Variants in FKTN observed in about 807,000 individuals in gnomAD.
FKTN encodes ribitol-5-phosphate transferase FKTN.
A neutral mutation model predicts 58.6 loss-of-function variants in FKTN; 47 were observed. The ratio of observed to expected loss-of-function variants is 0.80; its 90% CI spans 0.63 to 1.02. FKTN has a LOEUF of 1.02. Ranked by LOEUF, FKTN falls within the 50% of genes least tolerant of loss-of-function variation. FKTN has a pLI of 0.00. For missense variants in FKTN, 516 were observed against 537.3 expected (o/e 0.96, Z 0.39); for synonymous variants, 178 against 191.9 (o/e 0.93, Z 0.60).
chr9:105,592,690 C>G (rs556496711), intron 3 of FKTN, among the ~76,000 whole-genome samples: 1 of 152,138 alleles, frequency 6.6e-6, no homozygotes, highest in African/African-American at 2.4e-5. Flanking sequence ...CTATCACTCT[C>G]GAGTTCAGAG....
chr9:105,591,088 A>G (rs1006923295), intron 3 of FKTN, among the ~76,000 whole-genome samples: 3 of 152,076 alleles, frequency 2.0e-5, no homozygotes, highest in African/African-American at 4.8e-5. Flanking sequence ...CCACAATCCA[A>G]TTACCTCCCA....
At chr9:105,579,069 A>T (rs1163579458) in intron 3 of FKTN, among the ~76,000 whole-genome samples, 1 of 151,668 alleles carries the variant, frequency 6.6e-6, no homozygotes, top group Non-Finnish European at 1.5e-5. Context: ...CTTCTTTATT[A>T]GTCTTGCTAG....
intron 7 of FKTN, among the ~76,000 whole-genome samples, chr9:105,613,422 A>AG (rs542952510): frequency 3.9e-4 from 59 of 152,342 alleles, no homozygotes; most frequent in African/African-American, 1.4e-3. Context: ...TTCTTACTGA[A>AG]GGTAGGGTAC....
chr9:105,607,740 C>T lies in FKTN; in HGVS notation c.648-79C>T, dbSNP rs371138266. 5.2e-5 allele frequency: 65 copies of T among 1,257,372 alleles called. No homozygotes were observed. The Middle Eastern group carries it at 9.3e-4, about 18-fold the overall frequency. 77.9% of individuals were successfully genotyped at this position (1,257,372 alleles called of 1,614,324 possible). ...TGTTATCTAGGTTTTAAGCTCTGCA[C>T]GCATTAGGTATTTGTCCTAATGTTC... On this transcript the variant is annotated intron_variant, in intron 6 of 10. Coordinates refer to ENST00000357998, the MANE Select transcript of FKTN (RefSeq NM_001079802.2).
intron 10 of FKTN, among the ~76,000 whole-genome samples, chr9:105,622,694 T>G (rs1832169946): frequency 6.6e-6 from 1 of 152,046 alleles, no homozygotes; most frequent in African/African-American, 2.4e-5. Flanking sequence ...CCTAAATGCT[T>G]TCTTCTTAGA....
intron 10 of FKTN, among the ~76,000 whole-genome samples, chr9:105,620,978 A>C (rs981839070): frequency 1.3e-5 from 2 of 152,112 alleles, no homozygotes; most frequent in African/African-American, 4.8e-5. Context: ...CCAGTATTAG[A>C]GTCCTGTTAT....
intron 3 of FKTN, among the ~76,000 whole-genome samples, chr9:105,577,324 C>A (rs1215997118): frequency 8.2e-6 from 1 of 121,878 alleles, no homozygotes; most frequent in Non-Finnish European, 1.7e-5. Context: ...AATCTTTAAT[C>A]CATCTTGAAT....
chr9:105,585,818 A>G (rs1843795884), intron 3 of FKTN, among the ~76,000 whole-genome samples: 1 of 152,238 alleles, frequency 6.6e-6, no homozygotes. Flanking sequence ...GCCAAAGAGT[A>G]TGGAATCATA....
intron 7 of FKTN, among the ~76,000 whole-genome samples, chr9:105,613,445 A>T (rs1272287956): frequency 6.6e-6 from 1 of 152,214 alleles, no homozygotes; most frequent in Non-Finnish European, 1.5e-5. Flanking sequence ...TTTGCTTAAG[A>T]TTCATATAGT....
At chr9:105,586,737 G>A (rs1414052113) in intron 3 of FKTN, among the ~76,000 whole-genome samples, 2 of 152,178 alleles carry the variant, frequency 1.3e-5, no homozygotes, top group Non-Finnish European at 2.9e-5. Flanking sequence ...TAATGTATGT[G>A]ATATGTCTCA....
chr9:105,566,943 C>T (rs571455366), intron 1 of FKTN, among the ~76,000 whole-genome samples: 68 of 152,242 alleles, frequency 4.5e-4, no homozygotes, highest in African/African-American at 1.5e-3. Context: ...AAAGCTTATC[C>T]ACCATGATCA....
intron 10 of FKTN, chr9:105,633,298 G>C (rs966744302): frequency 6.6e-6 from 1 of 152,154 alleles, no homozygotes; most frequent in African/African-American, 2.4e-5. Context: ...TGTAAAATTT[G>C]TAGTATTCCC....
chr9:105,619,426 TA>T, intron 9 of FKTN, among the ~76,000 whole-genome samples: 1 of 152,324 alleles, frequency 6.6e-6, no homozygotes, highest in African/African-American at 2.4e-5. Context: ...CAGAATTATT[TA>T]TTTTTTTACC....
chr9:105,604,483 C>CT lies in FKTN; in HGVS notation c.642dup (p.Asp215Ter), dbSNP rs398123557. On this transcript the variant is annotated frameshift_variant, in exon 6 of 11. Coordinates refer to ENST00000357998, the MANE Select transcript of FKTN (RefSeq NM_001079802.2). LOFTEE classifies it high-confidence loss of function. ...TTACAGTTTGGTCGTTATCCAGGAG[C>CT]TTTTGACAGGTAAGTTCAGAGTCAA... 34 of 1,613,730 alleles carry CT rather than the reference C, an allele frequency of 2.1e-5. No individual in the cohort carries two copies. In the Admixed American group the frequency reaches 5.7e-4, roughly 27 times the overall value.
intron 10 of FKTN, among the ~76,000 whole-genome samples, chr9:105,634,077 T>C (rs1442660579): frequency 6.6e-6 from 1 of 152,168 alleles, no homozygotes; most frequent in African/African-American, 2.4e-5. Flanking sequence ...ATACATAATT[T>C]AGTTTACTTG....
chr9:105,584,214 G>C (rs555148203), intron 3 of FKTN, among the ~76,000 whole-genome samples: 1 of 152,212 alleles, frequency 6.6e-6, no homozygotes, highest in Non-Finnish European at 1.5e-5. Flanking sequence ...TTGGAACAAT[G>C]CATGTTATAC....
rs1337616265 is a variant in FKTN, at chr9:105,596,584, T to A, written c.106-14T>A. The A allele has an allele frequency of 1.2e-6, 2 of 1,605,734 alleles. No individual in the cohort carries two copies. Among genetic ancestry groups the A allele is most frequent in the Non-Finnish European group, 1.7e-6 (2 of 1,172,864 alleles). On this transcript the variant is annotated splice_polypyrimidine_tract_variant and intron_variant, in intron 3 of 10. Coordinates refer to ENST00000357998, the MANE Select transcript of FKTN (RefSeq NM_001079802.2). ...CTTTGAATTTACTAAAAAGTTCTTT[T>A]GTTGTCTTCCTAGAATGGAGCTGGT...
In FKTN at chr9:105,570,333, C is replaced by T. The variant is rs150564451; in HGVS notation, c.-180-3322C>T. Among the ~76,000 whole-genome samples the T allele has an allele frequency of 5.6e-3, 849 of 152,270 alleles. 10 individuals are homozygous for T. Among genetic ancestry groups the T allele is most frequent in the African/African-American group, 0.02 (823 of 41,564 alleles). Reference sequence around the variant, plus strand: ...GGGGAAGATGATTCATGTACACTAACAGTTATAATGCAAAATAGAAACTAG... The same window carrying T: ...GGGGAAGATGATTCATGTACACTAATAGTTATAATGCAAAATAGAAACTAG... On this transcript the variant is annotated intron_variant, in intron 1 of 10. Coordinates refer to ENST00000357998, the MANE Select transcript of FKTN (RefSeq NM_001079802.2).
chr9:105,593,687 A>T (rs1156859312), intron 3 of FKTN, among the ~76,000 whole-genome samples: 1 of 152,252 alleles, frequency 6.6e-6, no homozygotes, highest in Non-Finnish European at 1.5e-5. Flanking sequence ...TGACAAGTTA[A>T]AGAAGCAGCC....
Sources: allele counts gnomAD v4.1 joint callset (sites outside exome capture counted in the v4.1 genomes callset), GRCh38; gene constraint gnomAD v4.1.1; transcripts MANE v1.5; gene names NCBI Gene and HGNC (gene_info 2026-07-23, HGNC 2026-07-21).